Variants in MYO5B observed in about 807,000 individuals in gnomAD.
The protein encoded by MYO5B is unconventional myosin-Vb.
In MYO5B, 143 loss-of-function variants were observed where a neutral mutation model predicts 229.3. The ratio of observed to expected loss-of-function variants is 0.62; its 90% CI spans 0.54 to 0.72. The LOEUF (loss-of-function observed/expected upper bound fraction) is 0.72, where lower values mean the gene tolerates loss of function less well. Among genes scored for constraint, MYO5B ranks in the 30% least tolerant of loss-of-function variants. The pLI is 0.00. For missense variants in MYO5B, 2,321 were observed against 2,331.0 expected (o/e 1.00, Z 0.09); for synonymous variants, 918 against 885.2 (o/e 1.04, Z -0.66).
chr18:49,906,610 A>T lies in MYO5B; in HGVS notation c.2223T>A (p.Phe741Leu), dbSNP rs199963863. 6.2e-7 allele frequency: 1 copy of T among 1,613,876 alleles called. No individual in the cohort carries two copies. Among genetic ancestry groups the T allele is most frequent in the Non-Finnish European group, 8.5e-7 (1 of 1,180,000 alleles). Reference protein sequence around the residue: ...NLIKDPDKFQFGRTKIFFRAG... With the variant: ...NLIKDPDKFQLGRTKIFFRAG... ...CTCGAAAGAAGATCTTGGTGCGGCCAAACTGGAACTTGTCGGGGTCCTTTA... is the reference window on the plus strand; with the variant it reads ...CTCGAAAGAAGATCTTGGTGCGGCCTAACTGGAACTTGTCGGGGTCCTTTA... Residue 741 changes from phenylalanine to leucine, a missense_variant, in exon 19 of 40, where the codon TTT (phenylalanine) becomes TTA (leucine). By Grantham distance (22) the Phe-to-Leu change is conservative. Coordinates refer to ENST00000285039, the MANE Select transcript of MYO5B (RefSeq NM_001080467.3).
chr18:49,864,096 A>C, intron 28 of MYO5B, 45 bp downstream of exon 28: 1 of 1,599,544 alleles, frequency 6.3e-7, no homozygotes, highest in Non-Finnish European at 8.5e-7. Flanking sequence ...TCTACCACCT[A>C]GGGTCACCCC....
chr18:49,954,187 G>T, intron 13 of MYO5B, 126 bp downstream of exon 13: 1 of 1,417,060 alleles, frequency 7.1e-7, no homozygotes, highest in Non-Finnish European at 9.9e-7. Flanking sequence ...GATGGAAGGG[G>T]AACCTAGCTG....
intron 1 of MYO5B, among the ~76,000 whole-genome samples, chr18:50,177,893 T>G (rs2033019499): frequency 6.6e-6 from 1 of 152,204 alleles, no homozygotes; most frequent in Non-Finnish European, 1.5e-5. Flanking sequence ...CCAGGCAACC[T>G]CTAACTGCCT....
chr18:49,960,676 C>T (rs142371554), intron 12 of MYO5B, among the ~76,000 whole-genome samples: 1 of 152,286 alleles, frequency 6.6e-6, no homozygotes, highest in East Asian at 1.9e-4. Flanking sequence ...GGACTTTTGT[C>T]TTATTCCCTA....
intron 2 of MYO5B, among the ~76,000 whole-genome samples, chr18:50,048,608 C>G (rs2144406122): frequency 6.6e-6 from 1 of 152,278 alleles, no homozygotes; most frequent in South Asian, 2.1e-4. Context: ...ATCACAGGGT[C>G]CCACTGAACT....
chr18:49,907,171 A>G (rs974574699), intron 18 of MYO5B, among the ~76,000 whole-genome samples: 4 of 152,156 alleles, frequency 2.6e-5, no homozygotes, highest in Admixed American at 2.0e-4. Context: ...GGGGGAACTG[A>G]AGGTGATTGG....
intron 14 of MYO5B, among the ~76,000 whole-genome samples, chr18:49,947,498 G>A (rs1028036317): frequency 1.3e-5 from 2 of 152,198 alleles, no homozygotes; most frequent in Non-Finnish European, 1.5e-5. Flanking sequence ...TTTAATTGAC[G>A]CATAATAACT....
chr18:50,066,717 G>A (rs1051206611), intron 1 of MYO5B, among the ~76,000 whole-genome samples: 16 of 152,196 alleles, frequency 1.1e-4, no homozygotes, highest in African/African-American at 3.9e-4. Context: ...GTGGGTATCT[G>A]CTGCTTAAAT....
At position 49,875,723 on chromosome 18, in the gene MYO5B, C is replaced by T. The variant is rs1209025435; in HGVS notation, c.3501G>A (p.Leu1167=). 3.1e-6 allele frequency: 5 copies of T among 1,614,188 alleles called. No individual in the cohort carries two copies. The Admixed American group carries it at 5.0e-5, about 16-fold the overall frequency. Residue 1167 remains leucine, a synonymous_variant, in exon 26 of 40, where the codon CTG becomes CTA. Transcript: ENST00000285039. ...EQERKKLQVQ[L]EKREQQDSKK... ...TGCTGTCCTGCTGTTCTCTCTTCTC[C>T]AGCTGCACTTGCAGCTTTTTCCTCT...
intron 2 of MYO5B, among the ~76,000 whole-genome samples, chr18:50,045,666 G>A (rs963497428): frequency 1.3e-5 from 2 of 152,168 alleles, no homozygotes; most frequent in African/African-American, 4.8e-5. Context: ...GAGATTACAG[G>A]TGTGAGCCGC....
intron 1 of MYO5B, among the ~76,000 whole-genome samples, chr18:50,106,842 A>G (rs1166442086): frequency 1.3e-5 from 2 of 152,210 alleles, no homozygotes; most frequent in Non-Finnish European, 2.9e-5. Flanking sequence ...AGGCTTGCCG[A>G]TAGATAATTT....
chr18:49,948,919 G>A (rs1267151062), intron 14 of MYO5B, among the ~76,000 whole-genome samples: 6 of 152,202 alleles, frequency 3.9e-5, no homozygotes, highest in Admixed American at 3.3e-4. Flanking sequence ...GTAGGTCCCT[G>A]TCATTGAGAC....
intron 25 of MYO5B, chr18:49,876,400 G>T (rs9948111): frequency 8.8e-6 from 2 of 227,564 alleles, no homozygotes; most frequent in South Asian, 7.0e-5. Flanking sequence ...GGACTCCAAT[G>T]CGTGGGGATA....
chr18:50,122,858 C>A (rs957187064), intron 1 of MYO5B, among the ~76,000 whole-genome samples: 20 of 151,698 alleles, frequency 1.3e-4, no homozygotes, highest in Admixed American at 2.6e-4. Flanking sequence ...CCTCAGACAT[C>A]GACTGCTGAT....
intron 1 of MYO5B, among the ~76,000 whole-genome samples, chr18:50,143,597 G>C (rs2032451743): frequency 6.6e-6 from 1 of 152,176 alleles, no homozygotes; most frequent in Admixed American, 6.5e-5. Flanking sequence ...TGAAGGCTGG[G>C]AATAAGGAAG....
At chr18:50,043,312 A>T (rs1379066640) in intron 2 of MYO5B, among the ~76,000 whole-genome samples, 5 of 97,232 alleles carry the variant, frequency 5.1e-5, no homozygotes, top group African/African-American at 1.6e-4. Context: ...ATATAATATA[A>T]ATATATAAAA....
At chr18:49,989,620 G>T (rs984916213) in intron 7 of MYO5B, among the ~76,000 whole-genome samples, 3 of 152,160 alleles carry the variant, frequency 2.0e-5, no homozygotes, top group East Asian at 1.9e-4. Flanking sequence ...AGGGCCAAAG[G>T]CTCCAGACCC....
rs983804500 is a variant in MYO5B, at chr18:49,959,850, G to T, written c.1545+2416C>A. On this transcript the variant is annotated intron_variant, in intron 12 of 39. Transcript: ENST00000285039. ...CCCCACCCGCCACCAGACATCTTTG[G>T]AGAGTCTTGTTACGAGCAGCCTGGA... is the stretch of plus-strand genomic sequence containing the variant. Among the ~76,000 whole-genome samples, 8 of 152,162 alleles carry T rather than the reference G, an allele frequency of 5.3e-5. No homozygotes were observed. In the South Asian group the frequency reaches 1.7e-3, roughly 32 times the overall value.
chr18:49,860,944 C>T (rs1415412816), intron 29 of MYO5B, among the ~76,000 whole-genome samples: 2 of 152,264 alleles, frequency 1.3e-5, no homozygotes, highest in South Asian at 2.1e-4. Flanking sequence ...TCCACAGAAT[C>T]CCAGTTGGGT....
Sources: gnomAD v4.1 joint callset for allele counts (sites outside exome capture counted in the v4.1 genomes callset) on GRCh38, gnomAD v4.1.1 for gene constraint, MANE v1.5 for transcripts, NCBI Gene and HGNC (gene_info 2026-07-23, HGNC 2026-07-21) for gene names.